Variants in PCDHA5 observed in about 807,000 individuals in gnomAD.
PCDHA5 encodes the protein protocadherin alpha 5.
PCDHA5 carries 43 observed loss-of-function variants against 61.6 expected under a neutral mutation model. The ratio of observed to expected loss-of-function variants is 0.70; its 90% CI spans 0.55 to 0.90. The LOEUF (loss-of-function observed/expected upper bound fraction) is 0.90, where lower values mean the gene tolerates loss of function less well. Ranked by LOEUF, PCDHA5 falls within the 40% of genes least tolerant of loss-of-function variation. PCDHA5 has a pLI of 0.00. For missense variants in PCDHA5, 1,298 were observed against 1,222.7 expected (o/e 1.06, Z -0.92); for synonymous variants, 627 against 543.9 (o/e 1.15, Z -2.13).
chr5:140,873,889 G>T (rs1373623503), intron 1 of PCDHA5, among the ~76,000 whole-genome samples: 2 of 152,182 alleles, frequency 1.3e-5, no homozygotes, highest in South Asian at 4.1e-4. Context: ...TTGAACTCCT[G>T]ACCTCAGGTG....
chr5:140,850,685 C>G lies in PCDHA5; in HGVS notation c.2352+26558C>G, dbSNP rs1390345550. ...GGTGCTCGGCGATGCCCACCGAGGGCGAGTGCGCGCCTGGCAAGCCGACGC... is the reference window on the plus strand; with the variant it reads ...GGTGCTCGGCGATGCCCACCGAGGGGGAGTGCGCGCCTGGCAAGCCGACGC... On this transcript the variant is annotated intron_variant, in intron 1 of 3. Transcript: ENST00000529859. 25 of 1,598,270 alleles carry G rather than the reference C, an allele frequency of 1.6e-5. 2 individuals are homozygous for G. The highest frequency in any genetic ancestry group is 1.7e-4 in the Middle Eastern group (1 of 6,016).
chr5:140,925,172 C>T (rs1176049315), intron 1 of PCDHA5, among the ~76,000 whole-genome samples: 2 of 151,994 alleles, frequency 1.3e-5, no homozygotes, highest in Admixed American at 6.6e-5. Context: ...TGTAATTGAC[C>T]CCAATGTACC....
chr5:140,829,627 G>A, intron 1 of PCDHA5: 1 of 1,612,248 alleles, frequency 6.2e-7, no homozygotes, highest in Non-Finnish European at 8.5e-7. Context: ...CGGTGCACGC[G>A]GAGAGCGGCA....
intron 1 of PCDHA5, chr5:140,828,420 T>C (rs1554131299): frequency 1.2e-6 from 2 of 1,614,068 alleles, no homozygotes. Context: ...GAGGTGATCG[T>C]GGACAGGCCG....
At chr5:140,925,257 C>A (rs1336613869) in intron 1 of PCDHA5, among the ~76,000 whole-genome samples, 2 of 152,110 alleles carry the variant, frequency 1.3e-5, no homozygotes, top group East Asian at 3.8e-4. Context: ...AACTTTAATT[C>A]TTGATCTGTG....
intron 1 of PCDHA5, chr5:140,825,971 A>G (rs1768773443): frequency 1.3e-5 from 2 of 152,276 alleles, no homozygotes; most frequent in South Asian, 4.1e-4. Flanking sequence ...TTTTGAGGGG[A>G]AAAGTATGGA....
chr5:140,859,086 G>A (rs1474947917), intron 1 of PCDHA5: 3 of 150,424 alleles, frequency 2.0e-5, no homozygotes, highest in Non-Finnish European at 3.0e-5. Flanking sequence ...CTGTGTCAGT[G>A]TGTATTATTC....
chr5:140,927,031 GC>G, intron 1 of PCDHA5: 6 of 1,612,410 alleles, frequency 3.7e-6, no homozygotes, highest in Non-Finnish European at 5.1e-6. Flanking sequence ...GAGGCTGCCA[GC>G]GGCCGCTATG....
intron 1 of PCDHA5, chr5:140,927,653 G>T: frequency 6.2e-7 from 1 of 1,614,190 alleles, no homozygotes; most frequent in Non-Finnish European, 8.5e-7. Context: ...GTGTTATTCC[G>T]AGTTCAAGCC....
At chr5:140,983,379 C>T (rs1169260784) in intron 3 of PCDHA5, among the ~76,000 whole-genome samples, 1 of 152,162 alleles carries the variant, frequency 6.6e-6, no homozygotes, top group Non-Finnish European at 1.5e-5. Context: ...AGGCCCATCG[C>T]TGTGGCAGTT....
intron 1 of PCDHA5, among the ~76,000 whole-genome samples, chr5:140,906,631 C>A (rs919514401): frequency 6.6e-6 from 1 of 152,238 alleles, no homozygotes; most frequent in East Asian, 1.9e-4. Context: ...TCAGCAAGCA[C>A]CTCAGCAGGT....
rs782646556 is a variant in PCDHA5 at position 140,869,083 on chromosome 5, T to G, written c.2352+44956T>G. 1.6e-5 allele frequency: 26 copies of G among 1,582,872 alleles called. No individual in the cohort carries two copies. The South Asian group carries it at 2.9e-4, about 18-fold the overall frequency. On this transcript the variant is annotated intron_variant, in intron 1 of 3. Coordinates refer to ENST00000529859, the MANE Select transcript of PCDHA5 (RefSeq NM_018908.3). ...ACTGTAAGTGTAAAGAAGCTTATTT[T>G]GGAAGCCAATTTCGTATGCGATGTT...
intron 1 of PCDHA5, among the ~76,000 whole-genome samples, chr5:140,899,881 C>G (rs1334700648): frequency 6.6e-6 from 1 of 152,146 alleles, no homozygotes; most frequent in Non-Finnish European, 1.5e-5. Context: ...TAACAGAACT[C>G]AGTGCAGCCT....
intron 1 of PCDHA5, among the ~76,000 whole-genome samples, chr5:140,939,155 G>C (rs1279259680): frequency 6.6e-6 from 1 of 152,196 alleles, no homozygotes; most frequent in Non-Finnish European, 1.5e-5. Flanking sequence ...GGTCCTGGCA[G>C]ATTTGTGTCT....
At chr5:140,995,608 C>G (rs543938511) in intron 3 of PCDHA5, among the ~76,000 whole-genome samples, 1 of 152,206 alleles carries the variant, frequency 6.6e-6, no homozygotes, top group East Asian at 1.9e-4. Flanking sequence ...TTTCTTCTCC[C>G]AAACCAAATA....
In PCDHA5 at chr5:140,822,947, A is replaced by G. The variant is rs2150120611; in HGVS notation, c.1172A>G (p.His391Arg). The change falls in exon 1 of 4, where the codon CAC (histidine) becomes CGC (arginine). Residue 391 changes from histidine to arginine, a missense_variant. By Grantham distance (29) the His-to-Arg change is conservative (BLOSUM62 0). Coordinates refer to ENST00000529859, the MANE Select transcript of PCDHA5 (RefSeq NM_018908.3). ...CAGGTGACCTGCTCCCTAATGCCCC[A>G]CGTTCCCTTCAAGCTGGTGTCCACC... Reference protein sequence around the residue: ...NGQVTCSLMPHVPFKLVSTFK... With the variant: ...NGQVTCSLMPRVPFKLVSTFK... 1 of 1,614,124 alleles carries G rather than the reference A, an allele frequency of 6.2e-7. No individual in the cohort carries two copies. The highest frequency in any genetic ancestry group is 1.3e-5 in the African/African-American group (1 of 74,956).
At chr5:140,824,506 C>T (rs1362393009) in intron 1 of PCDHA5, 1 of 304,690 alleles carries the variant, frequency 3.3e-6, no homozygotes, top group Non-Finnish European at 6.1e-6. Flanking sequence ...GCTTAGTCTG[C>T]AGTGATCTGA....
At chr5:140,975,208 G>A (rs1449804050) in intron 1 of PCDHA5, among the ~76,000 whole-genome samples, 1 of 152,170 alleles carries the variant, frequency 6.6e-6, no homozygotes, top group African/African-American at 2.4e-5. Context: ...TTCATGGCTG[G>A]CACTGGAGAA....
Position 140,881,340 on chromosome 5 carries a change from CG to C in PCDHA5, c.2352+57216del, listed in dbSNP as rs1453642152. Reference sequence around the variant, plus strand: ...ATTCTATTTAACCAGGACGCCGATTCGGGCTACAATGCGTGGCTTTCGTATG... The same window carrying C: ...ATTCTATTTAACCAGGACGCCGATTCGGCTACAATGCGTGGCTTTCGTATG... On this transcript the variant is annotated intron_variant, in intron 1 of 3. Coordinates refer to ENST00000529859, the MANE Select transcript of PCDHA5 (RefSeq NM_018908.3). The C allele has an allele frequency of 3.0e-6, 3 of 984,934 alleles. No individual in the cohort carries two copies. The African/African-American group carries it at 5.2e-5, about 17-fold the overall frequency. The allele number at this position is 984,934 out of a possible 1,614,324, so 61.0% of individuals were successfully genotyped here. A position where few individuals can be genotyped will look rare whatever the true frequency, so the allele number is the denominator to read the frequency against.
Sources: gnomAD v4.1 joint callset for allele counts (sites outside exome capture counted in the v4.1 genomes callset) on GRCh38, gnomAD v4.1.1 for gene constraint, MANE v1.5 for transcripts, NCBI Gene and HGNC (gene_info 2026-07-23, HGNC 2026-07-21) for gene names.